Variants in UGT2A1 observed in about 807,000 individuals in gnomAD.
UGT2A1 encodes UDP-glucuronosyltransferase 2A1.
UGT2A1 carries 61 observed loss-of-function variants against 45.4 expected under a neutral mutation model. The ratio of observed to expected loss-of-function variants is 1.34; its 90% CI spans 1.09 to 1.66. The LOEUF is 1.66. Among genes scored for constraint, UGT2A1 ranks in the 40% most tolerant of loss-of-function variants. The pLI is 0.00. For missense variants in UGT2A1, 649 were observed against 574.3 expected (o/e 1.13, Z -1.33); for synonymous variants, 229 against 196.2 (o/e 1.17, Z -1.40).
At chr4:69,609,559 G>A (rs1222562804) in intron 3 of UGT2A1, among the ~76,000 whole-genome samples, 2 of 151,880 alleles carry the variant, frequency 1.3e-5, no homozygotes, top group African/African-American at 2.4e-5. Flanking sequence ...ATAAAAGTCA[G>A]TAAATGAATT....
At chr4:69,598,125 T>C (rs1198538878) in intron 4 of UGT2A1, among the ~76,000 whole-genome samples, 1 of 152,202 alleles carries the variant, frequency 6.6e-6, no homozygotes, top group Non-Finnish European at 1.5e-5. Context: ...CATTATTTCC[T>C]ATAATAAACA....
rs761341330 is a variant in UGT2A1 at position 69,606,286 on chromosome 4, C to T, written c.848-6892G>A. ...GGGTCAACATACGCAAATCAACAAA[C>T]GTAATCCAGCATATAAACAGAACCA... On this transcript the variant is annotated intron_variant, in intron 3 of 6. Transcript: ENST00000286604. Among the ~76,000 whole-genome samples the T allele has an allele frequency of 2.9e-5, 4 of 136,244 alleles. 1 individual carries two copies. The highest frequency in any genetic ancestry group is 8.9e-5 in the African/African-American group (3 of 33,532). 89.4% of individuals were successfully genotyped at this position (136,244 alleles called of 152,430 possible).
chr4:69,639,535 G>A (rs1401494747), intron 2 of UGT2A1: 4 of 1,612,886 alleles, frequency 2.5e-6, no homozygotes, highest in South Asian at 1.1e-5. Flanking sequence ...CCATCTGTAG[G>A]CCAAATTAAC....
At chr4:69,619,792 A>C (rs1259251177) in intron 3 of UGT2A1, among the ~76,000 whole-genome samples, 1 of 152,058 alleles carries the variant, frequency 6.6e-6, no homozygotes, top group Non-Finnish European at 1.5e-5. Flanking sequence ...GCATATCTAA[A>C]AGCTAATCCA....
At chr4:69,607,679 G>A (rs1157931625) in intron 3 of UGT2A1, among the ~76,000 whole-genome samples, 1 of 152,074 alleles carries the variant, frequency 6.6e-6, no homozygotes, top group African/African-American at 2.4e-5. Flanking sequence ...ATCTGACAAA[G>A]GGCTAATATC....
intron 3 of UGT2A1, among the ~76,000 whole-genome samples, chr4:69,610,533 G>C (rs896602691): frequency 8.5e-5 from 13 of 152,158 alleles, no homozygotes; most frequent in African/African-American, 3.1e-4. Flanking sequence ...TAAATAATCT[G>C]TTTTAAAAAT....
intron 3 of UGT2A1, among the ~76,000 whole-genome samples, chr4:69,620,477 A>C (rs1038270814): frequency 6.6e-6 from 1 of 151,078 alleles, no homozygotes; most frequent in Non-Finnish European, 1.5e-5. Flanking sequence ...AAGAAATCAG[A>C]GATGACACAA....
chr4:69,612,411 T>C (rs1279229607), intron 3 of UGT2A1, among the ~76,000 whole-genome samples: 1 of 151,982 alleles, frequency 6.6e-6, no homozygotes, highest in Non-Finnish European at 1.5e-5. Context: ...CTAAAATTTA[T>C]ATGGAACCAA....
Position 69,588,976 on chromosome 4 carries a change from C to T in UGT2A1, c.*396G>A, listed in dbSNP as rs1387345735. On this transcript the variant is annotated 3_prime_UTR_variant, in exon 7 of 7. Coordinates refer to ENST00000286604, the MANE Select transcript of UGT2A1 (RefSeq NM_001252275.3). ...ATGGAAATTTGTGAATTTGACTCTT[C>T]CTTACACCTATCAAATTCCATCTAC... is the stretch of plus-strand genomic sequence containing the variant. 6.2e-6 allele frequency: 1 copy of T among 161,956 alleles called. No individual in the cohort carries two copies. Among genetic ancestry groups the T allele is most frequent in the Non-Finnish European group, 1.4e-5 (1 of 73,470 alleles). 10.0% of individuals were successfully genotyped at this position (161,956 alleles called of 1,614,324 possible).
In UGT2A1 at chr4:69,589,432, T is replaced by G. The variant is rs4148310; in HGVS notation, c.1524A>C (p.Gln508His). The G allele has an allele frequency of 1.2e-5, 19 of 1,614,096 alleles. No homozygotes were observed. Among genetic ancestry groups the G allele is most frequent in the Non-Finnish European group, 1.6e-5 (19 of 1,180,004 alleles). Residue 508 changes from glutamine (Q) to histidine (H), a missense_variant, in exon 7 of 7, where the codon CAA becomes CAC. Physicochemically the swap from Gln to His is conservative, Grantham distance 24 (BLOSUM62 0). Transcript: ENST00000286604. ...ATTTTTGACAGGAAAACAAACAACA[T>G]TGTATGACCAAAAATATAGCCGTTG... ...CVTTAIFLVI[Q>H]CCLFSCQKFG... is the part of the protein sequence containing the mutation.
At chr4:69,599,650 G>A in intron 3 of UGT2A1, 5 of 345,258 alleles carry the variant, frequency 1.4e-5, no homozygotes, top group South Asian at 8.3e-5. Context: ...AGAGAGGAAA[G>A]CAAGGAAAAG....
At chr4:69,634,496 A>G (rs185809274) in intron 3 of UGT2A1, among the ~76,000 whole-genome samples, 16 of 152,210 alleles carry the variant, frequency 1.1e-4, no homozygotes, top group African/African-American at 3.9e-4. Flanking sequence ...CAAATAATAC[A>G]TTATTGTGAT....
intron 6 of UGT2A1, among the ~76,000 whole-genome samples, chr4:69,591,072 T>C (rs1718569876): frequency 6.6e-6 from 1 of 152,202 alleles, no homozygotes; most frequent in Non-Finnish European, 1.5e-5. Flanking sequence ...TTTTTAGGCA[T>C]TTATTTAGAA....
rs1230904302 is a variant in UGT2A1 at position 69,594,526 on chromosome 4, T to C, written c.1255A>G (p.Thr419Ala). ...AAAGCGCTAAGCAAATCCACACTTG[T>C]CATTGTGTTTAGGTTCACTTCCACA... The part of the protein sequence containing the change: ...AAVEVNLNTM[T>A]SVDLLSALRT... Residue 419 changes from threonine to alanine, a missense_variant, in exon 6 of 7, where the codon ACA becomes GCA. Thr to Ala is a moderately conservative substitution (Grantham distance 58, BLOSUM62 0). Transcript: ENST00000286604. 17 of 1,614,194 alleles carry C rather than the reference T, an allele frequency of 1.1e-5. No homozygotes were observed. Among genetic ancestry groups the C allele is most frequent in the Non-Finnish European group, 1.4e-5 (16 of 1,180,040 alleles).
Position 69,649,094 on chromosome 4 carries a change from C to T in UGT2A1, c.-54-1396G>A, listed in dbSNP as rs141301473. ...TTGTATGCATATGTCTGTGAATAAGCAGAGTGATCCTTTTCATGTTAATAA... is the reference window on the plus strand; with the variant it reads ...TTGTATGCATATGTCTGTGAATAAGTAGAGTGATCCTTTTCATGTTAATAA... On this transcript the variant is annotated intron_variant, in intron 1 of 6. Transcript: ENST00000286604. Among the ~76,000 whole-genome samples, 370 of 152,132 alleles carry T rather than the reference C, an allele frequency of 2.4e-3. 5 individuals carry two copies. Among genetic ancestry groups the T allele is most frequent in the East Asian group, 0.022 (115 of 5,178 alleles).
intron 2 of UGT2A1, chr4:69,639,419 GGGATT>G (rs764805120): frequency 6.2e-7 from 1 of 1,613,172 alleles, no homozygotes; most frequent in Non-Finnish European, 8.5e-7. Flanking sequence ...CAGGAGAATC[GGGATT>G]GGAGTTGATG....
chr4:69,594,538 G>GAA lies in UGT2A1; in HGVS notation c.1242_1243insTT (p.Leu415PhefsTer2). On this transcript the variant is annotated frameshift_variant, in exon 6 of 7. Coordinates refer to ENST00000286604, the MANE Select transcript of UGT2A1 (RefSeq NM_001252275.3). LOFTEE classifies it high-confidence loss of function. ...AAATCCACACTTGTCATTGTGTTTA[G>GAA]GTTCACTTCCACAGCTGCTCCTTTG... The GAA allele has an allele frequency of 6.2e-7, 1 of 1,614,124 alleles. No individual in the cohort carries two copies. Among genetic ancestry groups the GAA allele is most frequent in the Non-Finnish European group, 8.5e-7 (1 of 1,180,022 alleles).
intron 3 of UGT2A1, chr4:69,603,701 C>A (rs1313903827): frequency 7.4e-6 from 1 of 135,912 alleles, no homozygotes; most frequent in Non-Finnish European, 1.6e-5. Flanking sequence ...ACTAGAATCA[C>A]CAATGAAGAA....
chr4:69,606,066 C>A (rs1466954930), intron 3 of UGT2A1, among the ~76,000 whole-genome samples: 2 of 136,890 alleles, frequency 1.5e-5, no homozygotes, highest in Non-Finnish European at 3.1e-5. Context: ...CTCCTTAAAT[C>A]ATTTTATGAG....
Sources: allele counts gnomAD v4.1 joint callset (sites outside exome capture counted in the v4.1 genomes callset), GRCh38; gene constraint gnomAD v4.1.1; transcripts MANE v1.5; gene names NCBI Gene and HGNC (gene_info 2026-07-23, HGNC 2026-07-21).